Variants in ENOX2 observed in about 807,000 individuals in gnomAD.
ENOX2 encodes APK1 antigen.
ENOX2 carries 36 observed loss-of-function variants against 45.0 expected under a neutral mutation model. That is an observed-to-expected ratio of 0.80 (90% CI 0.61 to 1.06). The LOEUF (loss-of-function observed/expected upper bound fraction) is 1.06. ENOX2 is among the 50% of genes least tolerant of loss of function. The pLI is 0.00. For synonymous variants in ENOX2, 174 were observed against 152.3 expected, an observed-to-expected ratio of 1.14 and a Z score of -1.05; for missense variants, 423 against 462.5, an observed-to-expected ratio of 0.91 and a Z score of 0.78.
rs761444924 is a variant in ENOX2, at chrX:130,810,495, G to T, written c.-182-26805C>A. Among the ~76,000 whole-genome samples the T allele has an allele frequency of 7.6e-4, 85 of 111,879 alleles. 1 individual carries two copies. The highest frequency in any genetic ancestry group is 2.6e-3 in the African/African-American group (80 of 30,793). ...ACTCCTGGATATAGCCTCTAGGACTGCCCAGTGCCAGGCCAGCTCCTGAAG... is the reference window on the plus strand; with the variant it reads ...ACTCCTGGATATAGCCTCTAGGACTTCCCAGTGCCAGGCCAGCTCCTGAAG... On this transcript the variant is annotated intron_variant, in intron 2 of 14. Coordinates refer to ENST00000394363, the MANE Select transcript of ENOX2 (RefSeq NM_006375.4).
At chrX:130,815,008 T>A (rs1172533967) in intron 2 of ENOX2, among the ~76,000 whole-genome samples, 1 of 108,229 alleles carries the variant, frequency 9.2e-6, no homozygotes, top group Admixed American at 9.8e-5. Flanking sequence ...GAAAAAAAGG[T>A]TTGAGGAATT....
At chrX:130,656,775 A>T (rs2036558158) in intron 9 of ENOX2, 80 bp from the exon 10 acceptor site, 1 of 582,460 alleles carries the variant, frequency 1.7e-6, no homozygotes, top group Non-Finnish European at 2.8e-6. Flanking sequence ...GATAAGATAA[A>T]GCAGCATTTT....
chrX:130,773,890 G>C (rs958761378), intron 3 of ENOX2, among the ~76,000 whole-genome samples: 3 of 111,883 alleles, frequency 2.7e-5, no homozygotes, highest in Non-Finnish European at 5.6e-5. Context: ...ATGGAAGATT[G>C]GAAAAAAATC....
chrX:130,715,238 G>A (rs1489328786), intron 3 of ENOX2, among the ~76,000 whole-genome samples: 1 of 111,611 alleles, frequency 9.0e-6, no homozygotes, highest in Admixed American at 9.5e-5. Context: ...GGGGTAGGGG[G>A]TGGGACCCTG....
chrX:130,772,646 T>G (rs1396175831), intron 3 of ENOX2, among the ~76,000 whole-genome samples: 1 of 111,913 alleles, frequency 8.9e-6, no homozygotes, highest in Non-Finnish European at 1.9e-5. Context: ...CCTCTCACAT[T>G]ACAAGATTTA....
chrX:130,863,749 A>G (rs2078446417), intron 2 of ENOX2, among the ~76,000 whole-genome samples: 1 of 112,483 alleles, frequency 8.9e-6, no homozygotes, highest in Non-Finnish European at 1.9e-5. Context: ...TAAAGGTAAG[A>G]GGAAATATGA....
At chrX:130,823,647 C>CT (rs780476370) in intron 2 of ENOX2, among the ~76,000 whole-genome samples, 2 of 111,990 alleles carry the variant, frequency 1.8e-5, no homozygotes, top group African/African-American at 6.5e-5. Context: ...ATTTTTCTGA[C>CT]TTTTTGGAAC....
intron 9 of ENOX2, among the ~76,000 whole-genome samples, chrX:130,661,247 G>A (rs1302822612): frequency 9.3e-6 from 1 of 107,402 alleles, no homozygotes; most frequent in Non-Finnish European, 1.9e-5. Flanking sequence ...GGAGTGCAGT[G>A]GTGTGATCAT....
intron 2 of ENOX2, among the ~76,000 whole-genome samples, chrX:130,802,867 T>C (rs1207968639): frequency 8.9e-6 from 1 of 112,479 alleles, no homozygotes; most frequent in African/African-American, 3.2e-5. Context: ...TCAAGCAAAC[T>C]GAACATTGAT....
At chrX:130,752,293 C>T (rs2039241961) in intron 3 of ENOX2, among the ~76,000 whole-genome samples, 2 of 110,121 alleles carry the variant, frequency 1.8e-5, no homozygotes, top group Admixed American at 1.9e-4. Context: ...GTTTGTCTCT[C>T]TGTCCATTTA....
chrX:130,681,545 G>T (rs986263410), intron 5 of ENOX2, among the ~76,000 whole-genome samples: 4 of 111,897 alleles, frequency 3.6e-5, no homozygotes, highest in South Asian at 7.5e-4. Flanking sequence ...ACATTAGAGA[G>T]AAGGAACATG....
chrX:130,643,569 G>A (rs1244662877), intron 10 of ENOX2, among the ~76,000 whole-genome samples: 1 of 111,996 alleles, frequency 8.9e-6, no homozygotes, highest in Non-Finnish European at 1.9e-5. Flanking sequence ...GCTGATTTCA[G>A]AGCAATGAAA....
intron 12 of ENOX2, among the ~76,000 whole-genome samples, chrX:130,634,698 T>G (rs760981562): frequency 9.0e-6 from 1 of 111,706 alleles, no homozygotes; most frequent in Non-Finnish European, 1.9e-5. Context: ...GGAAGAGGTG[T>G]GCACTCTGGT....
intron 1 of ENOX2, among the ~76,000 whole-genome samples, chrX:130,902,796 A>G (rs557800642): frequency 1.6e-3 from 147 of 90,830 alleles, no homozygotes; most frequent in South Asian, 3.2e-3. Context: ...AAAAAAAAAA[A>G]GGGGCGGGCG....
intron 3 of ENOX2, among the ~76,000 whole-genome samples, chrX:130,768,668 A>C (rs1315973020): frequency 8.9e-6 from 1 of 112,011 alleles, no homozygotes; most frequent in Non-Finnish European, 1.9e-5. Context: ...GAAAACTGAA[A>C]GACTTGAGCA....
At chrX:130,812,817 T>C (rs953810939) in intron 2 of ENOX2, among the ~76,000 whole-genome samples, 3 of 111,702 alleles carry the variant, frequency 2.7e-5, no homozygotes, top group African/African-American at 9.8e-5. Flanking sequence ...CTGAAATTTG[T>C]GCGGAACCAC....
chrX:130,826,130 T>G (rs1302694620), intron 2 of ENOX2, among the ~76,000 whole-genome samples: 1 of 111,266 alleles, frequency 9.0e-6, no homozygotes. Flanking sequence ...ATATTTAAAA[T>G]TTTTCATAAT....
rs374970545 is a variant in ENOX2, at chrX:130,694,650, T to G, written c.98-5632A>C. Among the ~76,000 whole-genome samples, 14 of 102,493 alleles carry G rather than the reference T, an allele frequency of 1.4e-4. No individual in the cohort carries two copies. In the East Asian group the frequency reaches 3.7e-3, roughly 27 times the overall value. The allele number at this position is 102,493 out of a possible 115,157, so 89.0% of individuals were successfully genotyped here. On this transcript the variant is annotated intron_variant, in intron 4 of 14. Coordinates refer to ENST00000394363, the MANE Select transcript of ENOX2 (RefSeq NM_006375.4). ...GGAGTCTCGCTCTTATCATCCAAGC[T>G]GGAGGGCAATGGCATGATCTCAGCT...
chrX:130,657,498 G>T (rs1022676361), intron 9 of ENOX2, among the ~76,000 whole-genome samples: 1 of 111,885 alleles, frequency 8.9e-6, no homozygotes, highest in African/African-American at 3.2e-5. Flanking sequence ...TCCCAGAAAG[G>T]AGACAATAGA....
Sources: gnomAD v4.1 joint callset for allele counts (sites outside exome capture counted in the v4.1 genomes callset) on GRCh38, gnomAD v4.1.1 for gene constraint, MANE v1.5 for transcripts, NCBI Gene and HGNC (gene_info 2026-07-23, HGNC 2026-07-21) for gene names.